The following PPP1R2 variants were observed in gnomAD, a reference collection of about 807,000 sequenced individuals.
The protein encoded by PPP1R2 is protein phosphatase inhibitor 2.
A neutral mutation model predicts 29.9 loss-of-function variants in PPP1R2; 16 were observed. That is an observed-to-expected ratio of 0.53 (90% CI 0.36 to 0.81). The LOEUF (loss-of-function observed/expected upper bound fraction) is 0.81. Ranked by LOEUF, PPP1R2 falls within the 30% of genes least tolerant of loss-of-function variation. The probability of loss-of-function intolerance (pLI) is 0.00; values close to 1 mark genes in which losing one functional copy is unlikely to be tolerated. For synonymous variants in PPP1R2, 76 were observed against 91.5 expected, an observed-to-expected ratio of 0.83 and a Z score of 0.96; for missense variants, 197 against 252.7, an observed-to-expected ratio of 0.78 and a Z score of 1.49.
intron 4 of PPP1R2, chr3:195,522,961 A>T (rs1237785726): frequency 6.6e-6 from 1 of 152,002 alleles, no homozygotes; most frequent in African/African-American, 2.4e-5. Context: ...ATTTTCCTTT[A>T]AAAATAGTTG....
intron 4 of PPP1R2, among the ~76,000 whole-genome samples, chr3:195,520,217 C>T (rs1718702308): frequency 6.6e-6 from 1 of 152,108 alleles, no homozygotes; most frequent in Non-Finnish European, 1.5e-5. Flanking sequence ...ATCATGTTGG[C>T]CAGGTTGGTC....
At chr3:195,528,731 T>TTTTTTTTTTTTTTTA (rs1719073298) in intron 2 of PPP1R2, 1 of 143,210 alleles carries the variant, frequency 7.0e-6, no homozygotes, top group Non-Finnish European at 1.5e-5. Flanking sequence ...TTTTTTTTTT[T>TTTTTTTTTTTTTTTA]TGTAGAAAGA....
intron 1 of PPP1R2, among the ~76,000 whole-genome samples, chr3:195,541,772 A>G (rs1378684480): frequency 6.6e-6 from 1 of 152,156 alleles, no homozygotes; most frequent in Non-Finnish European, 1.5e-5. Flanking sequence ...AGCATCCATG[A>G]GCGTGGGAGT....
chr3:195,525,136 A>G (rs34460735), intron 2 of PPP1R2, among the ~76,000 whole-genome samples: 40,472 of 152,070 alleles, frequency 0.27, 6,360 homozygotes, highest in Admixed American at 0.45. Flanking sequence ...TCTGCCTGCC[A>G]TATCCACAGG....
rs374520927 is a variant in PPP1R2, at chr3:195,523,799, C to G, written c.309-13G>C. 1 of 1,605,972 alleles carries G rather than the reference C, an allele frequency of 6.2e-7. No homozygotes were observed. Among genetic ancestry groups the G allele is most frequent in the African/African-American group, 1.3e-5 (1 of 74,720 alleles). On this transcript the variant is annotated splice_polypyrimidine_tract_variant and intron_variant, in intron 3 of 5. Transcript: ENST00000618156. ...AGCTGCAGCTAATCTATGCAACAAT[C>G]ATGTACAAAGAAATTAACAGTGATG...
intron 4 of PPP1R2, among the ~76,000 whole-genome samples, chr3:195,520,711 A>T (rs950113036): frequency 6.6e-6 from 1 of 151,994 alleles, no homozygotes; most frequent in Admixed American, 6.6e-5. Flanking sequence ...TTTAGAGATG[A>T]GATCTCACTG....
chr3:195,536,280 G>C (rs530456005), intron 1 of PPP1R2, among the ~76,000 whole-genome samples: 1 of 130,970 alleles, frequency 7.6e-6, no homozygotes, highest in South Asian at 2.7e-4. Context: ...GCAACATAGC[G>C]AGACCCTGTC....
chr3:195,542,957 G>A lies in PPP1R2; in HGVS notation c.69C>T (p.Ser23=). 1 of 1,603,612 alleles carries A rather than the reference G, an allele frequency of 6.2e-7. No individual in the cohort carries two copies. Among genetic ancestry groups the A allele is most frequent in the Non-Finnish European group, 8.5e-7 (1 of 1,174,984 alleles). Residue 23 remains serine (S), a synonymous_variant, in exon 1 of 6, where the codon TCC becomes TCT. Transcript: ENST00000618156. ...GCTGTTCGGCCGACGCCACCATAGA[G>A]GAAGTCGTAGAGGTCTTGTTCTTCA... is the stretch of plus-strand genomic sequence containing the variant. The part of the protein sequence containing the change: ...GILKNKTSTT[S]SMVASAEQPR...
rs1719644195 is a variant in PPP1R2 at position 195,542,789 on chromosome 3, G to C, written c.122+115C>G. On this transcript the variant is annotated intron_variant, in intron 1 of 5. Coordinates refer to ENST00000618156, the MANE Select transcript of PPP1R2 (RefSeq NM_006241.8). ...ACCCGCGGCTAGCCGGGCAGGAGAA[G>C]AGACTCGAGCGGCACCCGAGCCGCA... 6.2e-6 allele frequency: 8 copies of C among 1,291,714 alleles called. No homozygotes were observed. In the East Asian group the frequency reaches 2.0e-4, roughly 33 times the overall value. 80.0% of individuals were successfully genotyped at this position (1,291,714 alleles called of 1,614,324 possible).
At chr3:195,540,623 G>T (rs1719558169) in intron 1 of PPP1R2, among the ~76,000 whole-genome samples, 1 of 152,146 alleles carries the variant, frequency 6.6e-6, no homozygotes, top group Non-Finnish European at 1.5e-5. Flanking sequence ...CTGATGAATG[G>T]ATTAATCTAT....
chr3:195,535,008 C>A (rs907220206), intron 1 of PPP1R2, among the ~76,000 whole-genome samples: 3 of 152,174 alleles, frequency 2.0e-5, no homozygotes, highest in African/African-American at 4.8e-5. Context: ...TCGGGGGTCA[C>A]AGAGGACCTT....
At chr3:195,526,394 G>C (rs1365777102) in intron 2 of PPP1R2, among the ~76,000 whole-genome samples, 8 of 151,844 alleles carry the variant, frequency 5.3e-5, no homozygotes, top group Admixed American at 5.3e-4. Context: ...TACCATGGCT[G>C]GCCAAATGAA....
intron 4 of PPP1R2, among the ~76,000 whole-genome samples, chr3:195,520,881 C>T (rs1577564760): frequency 6.6e-6 from 1 of 151,864 alleles, no homozygotes; most frequent in East Asian, 2.0e-4. Context: ...GTAGGTCAGG[C>T]TGGTCTTGAA....
At position 195,528,702 on chromosome 3, in the gene PPP1R2, A is replaced by ATTTTTTTTTTT. The variant is rs1186534650; in HGVS notation, c.230+1081_230+1091dup. 19 of 59,972 alleles carry ATTTTTTTTTTT rather than the reference A, an allele frequency of 3.2e-4. 2 individuals are homozygous for ATTTTTTTTTTT. The highest frequency in any genetic ancestry group is 8.0e-4 in the East Asian group (1 of 1,244). 3.7% of individuals were successfully genotyped at this position (59,972 alleles called of 1,614,324 possible). On this transcript the variant is annotated intron_variant, in intron 2 of 5. Coordinates refer to ENST00000618156, the MANE Select transcript of PPP1R2 (RefSeq NM_006241.8). ...AATACAAGGTAGGTAGGGCATAACT[A>ATTTTTTTTTTT]TTTTTTTTTTTTTTTTTTTTTTTTT...
intron 1 of PPP1R2, among the ~76,000 whole-genome samples, chr3:195,530,594 C>T (rs954138020): frequency 2.3e-4 from 35 of 152,140 alleles, no homozygotes; most frequent in Non-Finnish European, 1.9e-4. Flanking sequence ...GGCGCCATCT[C>T]GGCTCACTGC....
At chr3:195,518,377 C>T (rs1560430530) in intron 5 of PPP1R2, among the ~76,000 whole-genome samples, 1 of 152,110 alleles carries the variant, frequency 6.6e-6, no homozygotes, top group African/African-American at 2.4e-5. Flanking sequence ...TCAGGCTGGG[C>T]GCGGTGGCTC....
Position 195,523,585 on chromosome 3 carries a change from CCT to C in PPP1R2, c.403+105_403+106del, listed in dbSNP as rs367808610. 2.9e-4 allele frequency: 236 copies of C among 824,294 alleles called. 1 individual carries two copies. The highest frequency in any genetic ancestry group is 1.6e-3 in the African/African-American group (93 of 59,104). The allele number at this position is 824,294 out of a possible 1,614,324, so 51.1% of individuals were successfully genotyped here. The stretch of plus-strand genomic sequence containing the variant: ...AAAGATGTTGCTTTCATTCTCCTCC[CCT>C]GTGTGTCCCCAAAATGAAAACCATT... On this transcript the variant is annotated intron_variant, in intron 4 of 5. Transcript: ENST00000618156.
At chr3:195,530,136 A>G (rs971376583) in intron 1 of PPP1R2, among the ~76,000 whole-genome samples, 1 of 152,252 alleles carries the variant, frequency 6.6e-6, no homozygotes, top group African/African-American at 2.4e-5. Flanking sequence ...CACAATATTT[A>G]GTATCTATAT....
At chr3:195,534,591 G>C (rs1719303239) in intron 1 of PPP1R2, among the ~76,000 whole-genome samples, 1 of 152,108 alleles carries the variant, frequency 6.6e-6, no homozygotes, top group South Asian at 2.1e-4. Flanking sequence ...ATAAACACCA[G>C]CTGCCAGTCT....
Sources: allele counts gnomAD v4.1 joint callset (sites outside exome capture counted in the v4.1 genomes callset), GRCh38; gene constraint gnomAD v4.1.1; transcripts MANE v1.5; gene names NCBI Gene and HGNC (gene_info 2026-07-23, HGNC 2026-07-21).